The following LANCL3 variants were observed in gnomAD, a reference collection of about 807,000 sequenced individuals.
The protein encoded by LANCL3 is lanC-like protein 3.
In LANCL3, 19 loss-of-function variants were observed where a neutral mutation model predicts 26.5. The observed-to-expected ratio is 0.72, with a 90% CI of 0.50 to 1.05. The LOEUF is 1.05. Ranked by LOEUF, LANCL3 falls within the 50% of genes least tolerant of loss-of-function variation. The pLI, the probability that LANCL3 is intolerant of heterozygous loss-of-function variation, is 0.00. For synonymous variants in LANCL3, 160 were observed against 166.6 expected (o/e 0.96, Z 0.30); for missense variants, 318 against 362.7 (o/e 0.88, Z 1.00).
intron 1 of LANCL3, among the ~76,000 whole-genome samples, chrX:37,588,356 T>C (rs782742457): frequency 9.9e-5 from 11 of 111,383 alleles, no homozygotes; most frequent in Non-Finnish European, 1.7e-4. Context: ...GATTCAACTT[T>C]ACAAGTTCAT....
At chrX:37,634,346 C>A (rs1482599318) in intron 1 of LANCL3, among the ~76,000 whole-genome samples, 3 of 112,981 alleles carry the variant, frequency 2.7e-5, no homozygotes. Context: ...CCGTCTGTTA[C>A]CCCTTTCTTT....
intron 3 of LANCL3, among the ~76,000 whole-genome samples, chrX:37,661,103 A>G (rs1316004430): frequency 9.0e-6 from 1 of 111,055 alleles, no homozygotes; most frequent in Non-Finnish European, 1.9e-5. Flanking sequence ...ATTCTCAGTG[A>G]TGGTCTCTGG....
At chrX:37,629,782 G>T (rs1391533660) in intron 1 of LANCL3, among the ~76,000 whole-genome samples, 5 of 110,946 alleles carry the variant, frequency 4.5e-5, no homozygotes, top group African/African-American at 1.3e-4. Flanking sequence ...TATTTCTGAG[G>T]GCTCTGTTCT....
intron 1 of LANCL3, among the ~76,000 whole-genome samples, chrX:37,586,639 C>T (rs1219326028): frequency 8.9e-6 from 1 of 112,126 alleles, no homozygotes; most frequent in East Asian, 2.8e-4. Flanking sequence ...CCATGGTTTT[C>T]AGCTCCATCA....
intron 1 of LANCL3, among the ~76,000 whole-genome samples, chrX:37,585,998 A>T (rs1924065751): frequency 9.0e-6 from 1 of 111,199 alleles, no homozygotes; most frequent in Admixed American, 9.5e-5. Context: ...CCTGGTGGTG[A>T]CAAAATCTCT....
chrX:37,643,736 A>G (rs1925924824), intron 1 of LANCL3, among the ~76,000 whole-genome samples: 1 of 111,992 alleles, frequency 8.9e-6, no homozygotes, highest in Non-Finnish European at 1.9e-5. Context: ...CTTGGGTGGA[A>G]GATGAGGTAT....
chrX:37,667,986 C>A (rs1926585462), intron 4 of LANCL3, among the ~76,000 whole-genome samples: 1 of 110,613 alleles, frequency 9.0e-6, no homozygotes, highest in South Asian at 3.8e-4. Flanking sequence ...TCAATCTGTT[C>A]ATGAGCAATC....
At chrX:37,609,823 A>G (rs1287125184) in intron 1 of LANCL3, among the ~76,000 whole-genome samples, 2 of 111,688 alleles carry the variant, frequency 1.8e-5, no homozygotes, top group Non-Finnish European at 3.8e-5. Flanking sequence ...GACTTAGAAA[A>G]GAGATAGGGG....
Position 37,612,397 on chromosome X carries a change from A to G in LANCL3, c.573+39954A>G, listed in dbSNP as rs782391048. ...CACCAGTGCTTCAAGCTGAGAGCCC[A>G]GGAGAGAGATCAGGTGATGTCAAGA... On this transcript the variant is annotated intron_variant, in intron 1 of 4. Transcript: ENST00000378619. 4.5e-5 allele frequency among the ~76,000 whole-genome samples: 5 copies of G among 111,639 alleles called. No individual in the cohort carries two copies. In the East Asian group the frequency reaches 1.4e-3, roughly 32 times the overall value.
intron 4 of LANCL3, among the ~76,000 whole-genome samples, chrX:37,669,286 C>T (rs1427661805): frequency 9.0e-6 from 1 of 111,416 alleles, no homozygotes; most frequent in Non-Finnish European, 1.9e-5. Context: ...GCCTGCAACT[C>T]GTGGGCACAG....
At chrX:37,600,010 A>G (rs1212361076) in intron 1 of LANCL3, among the ~76,000 whole-genome samples, 1 of 111,781 alleles carries the variant, frequency 8.9e-6, no homozygotes, top group African/African-American at 3.3e-5. Context: ...AAAAATCGGC[A>G]TTGTGTATCC....
In LANCL3 at chrX:37,681,305, G is replaced by C; in HGVS notation, c.*5492G>C. On this transcript the variant is annotated 3_prime_UTR_variant, in exon 5 of 5. Coordinates refer to ENST00000378619, the MANE Select transcript of LANCL3 (RefSeq NM_001170331.2). Reference sequence around the variant, plus strand: ...GAGCTATTTTACATTTTTGTACTGAGTCTTCAAACTCTAGTGTGTATTTTA... The same window carrying C: ...GAGCTATTTTACATTTTTGTACTGACTCTTCAAACTCTAGTGTGTATTTTA... The C allele has an allele frequency of 8.9e-6, 1 of 112,469 alleles. No individual in the cohort carries two copies. The highest frequency in any genetic ancestry group is 2.8e-4 in the East Asian group (1 of 3,606). 9.3% of individuals were successfully genotyped at this position (112,469 alleles called of 1,213,427 possible).
intron 1 of LANCL3, among the ~76,000 whole-genome samples, chrX:37,603,307 A>G (rs1226811229): frequency 8.9e-6 from 1 of 112,123 alleles, no homozygotes; most frequent in Non-Finnish European, 1.9e-5. Context: ...AGCTGAATTG[A>G]CAGACTAGGG....
chrX:37,601,087 G>C (rs1167373639), intron 1 of LANCL3, among the ~76,000 whole-genome samples: 4 of 111,886 alleles, frequency 3.6e-5, no homozygotes, highest in Non-Finnish European at 5.6e-5. Flanking sequence ...AATGCTGTTT[G>C]GTGGGGGAAG....
chrX:37,606,761 C>G (rs1308937566), intron 1 of LANCL3, among the ~76,000 whole-genome samples: 1 of 112,080 alleles, frequency 8.9e-6, no homozygotes, highest in Admixed American at 9.4e-5. Flanking sequence ...GAGCCTGAAA[C>G]GAGCTCAGCT....
In LANCL3 at chrX:37,636,555, A is replaced by T. The variant is rs192291061; in HGVS notation, c.574-19133A>T. Among the ~76,000 whole-genome samples, 18 of 112,458 alleles carry T rather than the reference A, an allele frequency of 1.6e-4. No homozygotes were observed. The East Asian group carries it at 5.0e-3, about 31-fold the overall frequency. On this transcript the variant is annotated intron_variant, in intron 1 of 4. Transcript: ENST00000378619. The stretch of plus-strand genomic sequence containing the variant: ...ATATGAAAGTCAGCTAGAAATTTGA[A>T]TTTCTTCGCTTATTATATGGGTAAG...
At chrX:37,658,121 C>T (rs1463568045) in intron 2 of LANCL3, among the ~76,000 whole-genome samples, 1 of 112,016 alleles carries the variant, frequency 8.9e-6, no homozygotes. Flanking sequence ...TCAGAATTCT[C>T]TGAGGAATTC....
chrX:37,606,994 T>C (rs1420057495), intron 1 of LANCL3, among the ~76,000 whole-genome samples: 1 of 112,414 alleles, frequency 8.9e-6, no homozygotes, highest in Non-Finnish European at 1.9e-5. Context: ...ATTTGTCTTT[T>C]GCCATCCACA....
At chrX:37,617,524 G>T (rs782557124) in intron 1 of LANCL3, among the ~76,000 whole-genome samples, 16 of 111,596 alleles carry the variant, frequency 1.4e-4, no homozygotes, top group African/African-American at 5.2e-4. Context: ...TCTTATCAAG[G>T]TGGCAACTCT....
Sources: allele counts gnomAD v4.1 joint callset (sites outside exome capture counted in the v4.1 genomes callset), GRCh38; gene constraint gnomAD v4.1.1; transcripts MANE v1.5; gene names NCBI Gene and HGNC (gene_info 2026-07-23, HGNC 2026-07-21).